Variants in NSMCE4A observed in about 807,000 individuals in gnomAD.
NSMCE4A encodes non-structural maintenance of chromosomes element 4 homolog A.
In NSMCE4A, 40 loss-of-function variants were observed where a neutral mutation model predicts 47.9. The ratio of observed to expected loss-of-function variants is 0.83; its 90% CI spans 0.65 to 1.09. The LOEUF is 1.09. NSMCE4A is among the 50% of genes least tolerant of loss of function. The pLI is 0.00. For missense variants in NSMCE4A, 500 were observed against 507.0 expected (o/e 0.99, Z 0.13); for synonymous variants, 166 against 178.5 (o/e 0.93, Z 0.56).
intron 5 of NSMCE4A, among the ~76,000 whole-genome samples, chr10:121,963,959 G>A (rs1438935070): frequency 6.6e-6 from 1 of 151,170 alleles, no homozygotes; most frequent in Non-Finnish European, 1.5e-5. Context: ...AGCCGGGCAT[G>A]GTGGTGCCTG....
chr10:121,962,975 G>A (rs1161888911), intron 6 of NSMCE4A, among the ~76,000 whole-genome samples: 1 of 152,040 alleles, frequency 6.6e-6, no homozygotes, highest in Non-Finnish European at 1.5e-5. Context: ...AATGAGGGGA[G>A]GTGGAACAGC....
At position 121,960,819 on chromosome 10, in the gene NSMCE4A, C is replaced by T. The variant is rs1952483790; in HGVS notation, c.940-413G>A. Among the ~76,000 whole-genome samples the T allele has an allele frequency of 1.3e-5, 2 of 152,166 alleles. No individual in the cohort carries two copies. The highest frequency in any genetic ancestry group is 4.1e-4 in the South Asian group (2 of 4,834). On this transcript the variant is annotated intron_variant, in intron 7 of 10. Coordinates refer to ENST00000369023, the MANE Select transcript of NSMCE4A (RefSeq NM_017615.3). This position sits in a 1 kb window ranked among gnomAD's most constrained non-coding sequence, Gnocchi z 4.2. Reference sequence around the variant, plus strand: ...TAAGGTTATAATCAAATTCATCTTACATGTGGGAATGCAACCTGAAGTAAG... The same window carrying T: ...TAAGGTTATAATCAAATTCATCTTATATGTGGGAATGCAACCTGAAGTAAG...
At chr10:121,968,506 C>A (rs1250914864) in intron 3 of NSMCE4A, among the ~76,000 whole-genome samples, 1 of 152,118 alleles carries the variant, frequency 6.6e-6, no homozygotes, top group African/African-American at 2.4e-5. Context: ...CTCAGTATAT[C>A]CAGAGAGCAG....
At chr10:121,965,992 T>C (rs1005436907) in intron 4 of NSMCE4A, 1 of 152,152 alleles carries the variant, frequency 6.6e-6, no homozygotes, top group African/African-American at 2.4e-5. Flanking sequence ...AAATATACGA[T>C]GTAGATGGAC....
At chr10:121,961,806 A>C in intron 6 of NSMCE4A, 1 of 301,518 alleles carries the variant, frequency 3.3e-6, no homozygotes, top group Non-Finnish European at 6.1e-6. Context: ...AAATGCTATA[A>C]AGAACTTAAT....
intron 8 of NSMCE4A, 39 bp from the exon 9 acceptor site, chr10:121,959,634 A>G: frequency 2.1e-6 from 3 of 1,406,950 alleles, no homozygotes; most frequent in Non-Finnish European, 3.0e-6. Flanking sequence ...ATCAAAGGTT[A>G]TTAAATCGGA....
intron 7 of NSMCE4A, 58 bp downstream of exon 7, chr10:121,961,365 C>CTTATGT: frequency 1.6e-6 from 2 of 1,215,570 alleles, no homozygotes; most frequent in East Asian, 2.6e-5. Flanking sequence ...TACAGCTTTT[C>CTTATGT]TTATGTAGCC....
At chr10:121,961,729 A>G (rs749708454) in intron 6 of NSMCE4A, 12 of 453,172 alleles carry the variant, frequency 2.6e-5, no homozygotes, top group South Asian at 4.8e-5. Context: ...TGTGCTACAG[A>G]AATACAAGTG....
chr10:121,971,047 G>C lies in NSMCE4A; in HGVS notation c.393C>G (p.Val131=), dbSNP rs758519343. 1.9e-6 allele frequency: 3 copies of C among 1,613,244 alleles called. No homozygotes were observed. In the South Asian group the frequency reaches 3.3e-5, roughly 18 times the overall value. The change falls in exon 3 of 11, where the codon GTC becomes GTG. Residue 131 remains valine (V), a synonymous_variant. Coordinates refer to ENST00000369023, the MANE Select transcript of NSMCE4A (RefSeq NM_017615.3). Reference sequence around the variant, plus strand: ...CCAAAACAAGAAAGTGGGCATCCAGGACTGCTTCTCTTGCTCGGGACACTA... The same window carrying C: ...CCAAAACAAGAAAGTGGGCATCCAGCACTGCTTCTCTTGCTCGGGACACTA... The part of the protein sequence containing the change: ...FNEVSRAREA[V]LDAHFLVLAS...
At chr10:121,958,449 A>T (rs1952438978) in intron 10 of NSMCE4A, among the ~76,000 whole-genome samples, 1 of 152,200 alleles carries the variant, frequency 6.6e-6, no homozygotes. Flanking sequence ...TCATAGCCTA[A>T]TACAAATTTT....
intron 3 of NSMCE4A, among the ~76,000 whole-genome samples, chr10:121,968,104 C>G (rs1178559366): frequency 1.3e-5 from 2 of 152,200 alleles, no homozygotes; most frequent in African/African-American, 2.4e-5. Context: ...CAGGGGTCTT[C>G]TGGCAATACC....
chr10:121,965,199 G>GA lies in NSMCE4A; in HGVS notation c.753+86dup, dbSNP rs1952584136. On this transcript the variant is annotated intron_variant, in intron 5 of 10. Coordinates refer to ENST00000369023, the MANE Select transcript of NSMCE4A (RefSeq NM_017615.3). ...ACCTGGCTCCAGACCCGCACACTTAGAAAAAATGGCCAAATTGCATGCACA... is the reference window on the plus strand; with the variant it reads ...ACCTGGCTCCAGACCCGCACACTTAGAAAAAAATGGCCAAATTGCATGCACA... The GA allele has an allele frequency of 6.5e-6, 6 of 924,776 alleles. No homozygotes were observed. The Admixed American group carries it at 9.3e-5, about 14-fold the overall frequency. The allele number at this position is 924,776 out of a possible 1,614,324, so 57.3% of individuals were successfully genotyped here. A position where few individuals can be genotyped will look rare whatever the true frequency, so the allele number is the denominator to read the frequency against.
At chr10:121,961,817 C>T (rs1952504122) in intron 6 of NSMCE4A, 1 of 269,888 alleles carries the variant, frequency 3.7e-6, no homozygotes, top group African/African-American at 2.3e-5. Flanking sequence ...AGAACTTAAT[C>T]ATCCAGCTGG....
chr10:121,969,453 T>C (rs922625388), intron 3 of NSMCE4A, among the ~76,000 whole-genome samples: 3 of 149,860 alleles, frequency 2.0e-5, no homozygotes, highest in East Asian at 2.0e-4. Flanking sequence ...GACCTCTATA[T>C]TACAGTGCAC....
chr10:121,960,842 A>C lies in NSMCE4A; in HGVS notation c.940-436T>G, dbSNP rs2134736540. Among the ~76,000 whole-genome samples the C allele has an allele frequency of 6.6e-6, 1 of 152,340 alleles. No individual in the cohort carries two copies. Among genetic ancestry groups the C allele is most frequent in the South Asian group, 2.1e-4 (1 of 4,834 alleles). The stretch of plus-strand genomic sequence containing the variant: ...TACATGTGGGAATGCAACCTGAAGT[A>C]AGATTAAAGATAGTCTAAAGCAAAT... On this transcript the variant is annotated intron_variant, in intron 7 of 10. Transcript: ENST00000369023. This position sits in a 1 kb window ranked among gnomAD's most constrained non-coding sequence, Gnocchi z 4.2.
intron 1 of NSMCE4A, chr10:121,974,547 C>A: frequency 9.8e-7 from 1 of 1,015,376 alleles, no homozygotes; most frequent in South Asian, 4.6e-5. Context: ...CGAGGACTGC[C>A]GGGCGCAATC....
intron 3 of NSMCE4A, among the ~76,000 whole-genome samples, chr10:121,969,127 G>GCC (rs1952658411): frequency 1.3e-5 from 2 of 152,176 alleles, no homozygotes; most frequent in Non-Finnish European, 2.9e-5. Flanking sequence ...GGTGGATCAC[G>GCC]AAGTCAGGAG....
At chr10:121,970,685 G>A (rs1167861481) in intron 3 of NSMCE4A, among the ~76,000 whole-genome samples, 2 of 151,950 alleles carry the variant, frequency 1.3e-5, no homozygotes, top group East Asian at 1.9e-4. Flanking sequence ...GAGGAAAAAT[G>A]GCCATTGGCA....
At chr10:121,971,146 A>G in intron 2 of NSMCE4A, 77 bp from the exon 3 acceptor site, 1 of 1,251,970 alleles carries the variant, frequency 8.0e-7, no homozygotes, top group Non-Finnish European at 1.1e-6. Flanking sequence ...ATTTCCAACT[A>G]CTTACCAGGA....
Sources: allele counts gnomAD v4.1 joint callset (sites outside exome capture counted in the v4.1 genomes callset), GRCh38; gene constraint gnomAD v4.1.1; non-coding constraint Gnocchi (gnomAD v3.1); transcripts MANE v1.5; gene names NCBI Gene and HGNC (gene_info 2026-07-23, HGNC 2026-07-21).